PRELID2: variants seen among roughly 807,000 people sequenced by gnomAD.
The protein encoded by PRELID2 is PRELI domain-containing protein 2.
In PRELID2, 25 loss-of-function variants were observed where a neutral mutation model predicts 28.4. The observed-to-expected ratio is 0.88, with a 90% CI of 0.64 to 1.23. The LOEUF is 1.23. PRELID2 is among the 50% of genes most tolerant of loss of function. PRELID2 has a pLI of 0.00. For synonymous variants in PRELID2, 76 were observed against 71.6 expected, an observed-to-expected ratio of 1.06 and a Z score of -0.31; for missense variants, 201 against 214.4, an observed-to-expected ratio of 0.94 and a Z score of 0.39.
In PRELID2 at chr5:145,693,150, CT is replaced by C. The variant is rs747936867; in HGVS notation, n.70+71780del. ...CCTAGGGAAAAATAAATAAATAAAT[CT>C]TTTTTTTTTTTTTTGAGACAGGGTC... On this transcript the variant is annotated intron_variant and non_coding_transcript_variant, in intron 1 of 2. Coordinates refer to the PRELID2 transcript ENST00000510259. 4.8e-3 allele frequency among the ~76,000 whole-genome samples: 678 copies of C among 141,434 alleles called. 1 individual carries two copies. Among genetic ancestry groups the C allele is most frequent in the East Asian group, 0.013 (62 of 4,914 alleles). The allele number at this position is 141,434 out of a possible 152,430, so 92.8% of individuals were successfully genotyped here. A position where few individuals can be genotyped will look rare whatever the true frequency, so the allele number is the denominator to read the frequency against.
At chr5:145,631,564 C>A (rs567223251) in intron 1 of PRELID2, among the ~76,000 whole-genome samples, 1 of 152,140 alleles carries the variant, frequency 6.6e-6, no homozygotes, top group Non-Finnish European at 1.5e-5. Flanking sequence ...TTGTCTGCCC[C>A]TATTGAAATG....
intron 1 of PRELID2, among the ~76,000 whole-genome samples, chr5:145,504,398 C>T (rs1301416061): frequency 6.6e-6 from 1 of 152,158 alleles, no homozygotes; most frequent in African/African-American, 2.4e-5. Context: ...TCCTTAACTA[C>T]AAAGCACATA....
At chr5:145,690,538 C>G (rs1046091773) in intron 1 of PRELID2, among the ~76,000 whole-genome samples, 1 of 152,136 alleles carries the variant, frequency 6.6e-6, no homozygotes, top group Non-Finnish European at 1.5e-5. Context: ...CCACAAGAGG[C>G]AAGCTTGTTT....
chr5:145,568,445 T>C (rs1446732683), intron 1 of PRELID2, among the ~76,000 whole-genome samples: 3 of 152,264 alleles, frequency 2.0e-5, no homozygotes, highest in Admixed American at 6.5e-5. Flanking sequence ...AATCCTTTTT[T>C]CTAAATCAAC....
At chr5:145,663,977 G>A (rs188800245) in intron 1 of PRELID2, among the ~76,000 whole-genome samples, 3 of 152,202 alleles carry the variant, frequency 2.0e-5, no homozygotes, top group Non-Finnish European at 4.4e-5. Flanking sequence ...AAGGTAGAAT[G>A]AAACAACAAT....
At chr5:145,438,779 A>G in the PRELID2 span, among the ~76,000 whole-genome samples, 2 of 152,100 alleles carry the variant, frequency 1.3e-5, no homozygotes, top group Non-Finnish European at 2.9e-5. Flanking sequence ...AACTGCAGCT[A>G]TTGACTTGGA....
chr5:145,515,800 G>A (rs1464878731), intron 1 of PRELID2, among the ~76,000 whole-genome samples: 1 of 152,144 alleles, frequency 6.6e-6, no homozygotes. Context: ...CCACGATCAA[G>A]TCGCCTTCAT....
chr5:145,355,855 T>C, the PRELID2 span, among the ~76,000 whole-genome samples: 17 of 152,174 alleles, frequency 1.1e-4, no homozygotes, highest in Admixed American at 9.2e-4. Context: ...CATGAGCTGG[T>C]ATGTACTTTA....
rs115117111 is a variant in PRELID2 at position 145,782,073 on chromosome 5, G to A, written c.474+14369C>T. Among the ~76,000 whole-genome samples the A allele has an allele frequency of 6.8e-3, 1,037 of 152,292 alleles. 11 individuals carry two copies. Among genetic ancestry groups the A allele is most frequent in the African/African-American group, 0.024 (981 of 41,554 alleles). On this transcript the variant is annotated intron_variant, in intron 5 of 6. Transcript: ENST00000683046. ...GGAGAGATTAGAGGAACTAGTGGGT[G>A]TGAGAGTAGAGGAACACTAAGAAAG...
At chr5:145,442,221 A>AT in the PRELID2 span, among the ~76,000 whole-genome samples, 3 of 152,218 alleles carry the variant, frequency 2.0e-5, no homozygotes, top group African/African-American at 7.2e-5. Flanking sequence ...ACAAATGATG[A>AT]TGACTGAAAC....
the PRELID2 span, among the ~76,000 whole-genome samples, chr5:145,371,592 C>T: frequency 6.6e-6 from 1 of 151,824 alleles, no homozygotes; most frequent in African/African-American, 2.4e-5. Context: ...TATGTCTCTT[C>T]CCGGTTTTGG....
intron 1 of PRELID2, among the ~76,000 whole-genome samples, chr5:145,690,389 C>T (rs148751981): frequency 2.0e-5 from 3 of 152,162 alleles, no homozygotes; most frequent in African/African-American, 7.2e-5. Context: ...CAGAACGCCA[C>T]GTGTTTCTGG....
In PRELID2 at chr5:145,817,889, C is replaced by T. The variant is rs1316667463; in HGVS notation, c.368+5G>A. 6.5e-7 allele frequency: 1 copy of T among 1,541,356 alleles called. No homozygotes were observed. The highest frequency in any genetic ancestry group is 8.7e-7 in the Non-Finnish European group (1 of 1,146,938). On this transcript the variant is annotated splice_donor_5th_base_variant and intron_variant, in intron 4 of 6. Transcript: ENST00000683046. ...AACACACACACATATACACACGAGT[C>T]TTACCAATTTGGGTTTTCCATACTT...
At chr5:145,670,025 A>G (rs969944851) in intron 1 of PRELID2, among the ~76,000 whole-genome samples, 3 of 152,152 alleles carry the variant, frequency 2.0e-5, no homozygotes, top group Non-Finnish European at 4.4e-5. Flanking sequence ...TTGATTAATC[A>G]TATGTGCTCA....
chr5:145,406,126 C>A, the PRELID2 span, among the ~76,000 whole-genome samples: 2 of 152,086 alleles, frequency 1.3e-5, no homozygotes, highest in Non-Finnish European at 2.9e-5. Context: ...TAATCACCTC[C>A]CACCAGGCCC....
At chr5:145,294,799 C>G in the PRELID2 span, among the ~76,000 whole-genome samples, 1 of 152,226 alleles carries the variant, frequency 6.6e-6, no homozygotes, top group African/African-American at 2.4e-5. Flanking sequence ...CCATATTTCC[C>G]TGAAGTTCTC....
At chr5:145,755,765 C>A (rs1426642067), downstream of PRELID2, among the ~76,000 whole-genome samples, 1 of 152,118 alleles carries the variant, frequency 6.6e-6, no homozygotes, top group Non-Finnish European at 1.5e-5. Context: ...GAAAACAAAT[C>A]CTGCCGTATT....
chr5:145,712,564 C>T (rs138588899), intron 1 of PRELID2, among the ~76,000 whole-genome samples: 1 of 152,234 alleles, frequency 6.6e-6, no homozygotes, highest in East Asian at 1.9e-4. Flanking sequence ...GAAGCAATAC[C>T]CTTTTTTAAG....
intron 1 of PRELID2, among the ~76,000 whole-genome samples, chr5:145,598,411 A>G (rs922720517): frequency 5.9e-5 from 9 of 152,204 alleles, no homozygotes; most frequent in African/African-American, 2.2e-4. Context: ...TCTAGCATCT[A>G]TGTTTAGGAT....
Sources: gnomAD v4.1 joint callset for allele counts (sites outside exome capture counted in the v4.1 genomes callset) on GRCh38, gnomAD v4.1.1 for gene constraint, MANE v1.5 for transcripts, NCBI Gene and HGNC (gene_info 2026-07-23, HGNC 2026-07-21) for gene names.